The following CERS6 variants were observed in gnomAD, a reference collection of about 807,000 sequenced individuals.
CERS6 encodes ceramide synthase 6.
In CERS6, 26 loss-of-function variants were observed where a neutral mutation model predicts 56.8. The observed-to-expected ratio is 0.46, with a 90% CI of 0.34 to 0.63. The LOEUF (loss-of-function observed/expected upper bound fraction) is 0.63, where lower values mean the gene tolerates loss of function less well. Ranked by LOEUF, CERS6 falls within the 30% of genes least tolerant of loss-of-function variation. The probability of loss-of-function intolerance (pLI) is 0.01; values close to 1 mark genes in which losing one functional copy is unlikely to be tolerated. For missense variants in CERS6, 415 were observed against 467.5 expected, an observed-to-expected ratio of 0.89 and a Z score of 1.04; for synonymous variants, 164 against 173.3, an observed-to-expected ratio of 0.95 and a Z score of 0.42.
At chr2:168,623,232 A>G (rs563900280) in intron 3 of CERS6, among the ~76,000 whole-genome samples, 1 of 152,312 alleles carries the variant, frequency 6.6e-6, no homozygotes, top group African/African-American at 2.4e-5. Flanking sequence ...AAACAGTAGA[A>G]TAGTGATTAC....
intron 1 of CERS6, among the ~76,000 whole-genome samples, chr2:168,539,692 A>G (rs1244355148): frequency 1.3e-5 from 2 of 152,238 alleles, no homozygotes; most frequent in Admixed American, 1.3e-4. Context: ...TTTTAAATTG[A>G]TAATACTTAC....
intron 1 of CERS6, among the ~76,000 whole-genome samples, chr2:168,478,828 T>G (rs1043867231): frequency 3.9e-5 from 6 of 152,214 alleles, no homozygotes; most frequent in Admixed American, 3.3e-4. Flanking sequence ...CCTGTTTAAT[T>G]TAATCTTTAG....
At chr2:168,761,645 G>A (rs1300407147) in intron 8 of CERS6, among the ~76,000 whole-genome samples, 2 of 152,016 alleles carry the variant, frequency 1.3e-5, no homozygotes, top group Non-Finnish European at 2.9e-5. Context: ...TAGCAAACAC[G>A]TGGTCAATCA....
intron 4 of CERS6, among the ~76,000 whole-genome samples, chr2:168,674,565 T>G (rs929025020): frequency 1.5e-4 from 23 of 152,240 alleles, no homozygotes; most frequent in African/African-American, 2.4e-5. Context: ...GGCAAATATA[T>G]TTGAAGGAAC....
chr2:168,719,864 A>G (rs543977844), intron 8 of CERS6, among the ~76,000 whole-genome samples: 25 of 152,250 alleles, frequency 1.6e-4, no homozygotes, highest in Admixed American at 1.6e-3. Flanking sequence ...GCCATACTAA[A>G]GGTTCTTTTT....
intron 1 of CERS6, among the ~76,000 whole-genome samples, chr2:168,503,276 C>T (rs968749240): frequency 2.6e-5 from 4 of 152,170 alleles, no homozygotes; most frequent in Admixed American, 6.5e-5. Context: ...ATAAATTACC[C>T]AGCTTCAGGG....
At chr2:168,740,837 G>A (rs2105428744) in intron 8 of CERS6, among the ~76,000 whole-genome samples, 1 of 152,348 alleles carries the variant, frequency 6.6e-6, no homozygotes, top group Non-Finnish European at 1.5e-5. Context: ...TCTAAATGGG[G>A]ACTGGAAGCC....
intron 8 of CERS6, among the ~76,000 whole-genome samples, chr2:168,720,757 T>G (rs1343463441): frequency 2.0e-5 from 3 of 152,170 alleles, no homozygotes; most frequent in Non-Finnish European, 2.9e-5. Context: ...GTGAGATTAT[T>G]TATTTAACGT....
At chr2:168,474,758 C>T (rs1207532568) in intron 1 of CERS6, among the ~76,000 whole-genome samples, 1 of 152,182 alleles carries the variant, frequency 6.6e-6, no homozygotes, top group East Asian at 1.9e-4. Flanking sequence ...AAACATATTT[C>T]ACCCTTCCCA....
At chr2:168,732,239 T>C (rs967388019) in intron 8 of CERS6, among the ~76,000 whole-genome samples, 2 of 152,228 alleles carry the variant, frequency 1.3e-5, no homozygotes, top group Admixed American at 6.5e-5. Context: ...ACTGTTATAA[T>C]GGAATTGTTT....
chr2:168,465,698 G>A (rs1429319936), intron 1 of CERS6, among the ~76,000 whole-genome samples: 1 of 152,172 alleles, frequency 6.6e-6, no homozygotes, highest in Non-Finnish European at 1.5e-5. Context: ...CATAGACACA[G>A]GTAGTGGAGT....
At chr2:168,524,015 C>T (rs1695027858) in intron 1 of CERS6, among the ~76,000 whole-genome samples, 1 of 152,190 alleles carries the variant, frequency 6.6e-6, no homozygotes, top group South Asian at 2.1e-4. Flanking sequence ...TGCAAATAGA[C>T]TTATCTTCTC....
chr2:168,529,075 C>T (rs1695120994), intron 1 of CERS6, among the ~76,000 whole-genome samples: 1 of 152,188 alleles, frequency 6.6e-6, no homozygotes, highest in African/African-American at 2.4e-5. Context: ...GTCATGGCAT[C>T]CATTGTGCCA....
chr2:168,651,224 T>C (rs1332456436), intron 4 of CERS6, among the ~76,000 whole-genome samples: 1 of 152,208 alleles, frequency 6.6e-6, no homozygotes, highest in Non-Finnish European at 1.5e-5. Context: ...GCTCCATTTT[T>C]ACCTGGGTTT....
intron 8 of CERS6, among the ~76,000 whole-genome samples, chr2:168,743,162 A>ATG (rs1293057449): frequency 2.7e-5 from 4 of 150,352 alleles, no homozygotes; most frequent in East Asian, 2.0e-4. Flanking sequence ...ATATATATAT[A>ATG]TGTATGTATG....
intron 4 of CERS6, among the ~76,000 whole-genome samples, chr2:168,631,470 A>G (rs971061566): frequency 8.0e-6 from 1 of 125,702 alleles, no homozygotes; most frequent in African/African-American, 3.0e-5. Flanking sequence ...AAAATATAAT[A>G]TATAATATAT....
chr2:168,581,863 T>G lies in CERS6; in HGVS notation c.407+20541T>G, dbSNP rs1370212886. Among the ~76,000 whole-genome samples the G allele has an allele frequency of 4.6e-5, 7 of 152,190 alleles. 1 individual carries two copies. The South Asian group carries it at 1.0e-3, about 23-fold the overall frequency. On this transcript the variant is annotated intron_variant, in intron 3 of 9. Coordinates refer to ENST00000305747, the MANE Select transcript of CERS6 (RefSeq NM_203463.3). ...AGGAAATATTAAGGAGGGAGAATCT[T>G]GAGGCCTAGGAAGATGATGATTCTC...
At chr2:168,646,714 A>T (rs544260975) in intron 4 of CERS6, among the ~76,000 whole-genome samples, 1 of 152,216 alleles carries the variant, frequency 6.6e-6, no homozygotes, top group East Asian at 1.9e-4. Flanking sequence ...TGATTTTTGT[A>T]TATGGTGTAA....
At chr2:168,556,808 T>C (rs1473445030) in intron 2 of CERS6, among the ~76,000 whole-genome samples, 2 of 151,758 alleles carry the variant, frequency 1.3e-5, no homozygotes, top group Non-Finnish European at 2.9e-5. Flanking sequence ...TAGTACAAAG[T>C]TAATAACCAG....
Sources: gnomAD v4.1 joint callset for allele counts (sites outside exome capture counted in the v4.1 genomes callset) on GRCh38, gnomAD v4.1.1 for gene constraint, MANE v1.5 for transcripts, NCBI Gene and HGNC (gene_info 2026-07-23, HGNC 2026-07-21) for gene names.